SERPINB7: variants seen among roughly 807,000 people sequenced by gnomAD.
The protein encoded by SERPINB7 is serpin family B member 7.
SERPINB7 carries 31 observed loss-of-function variants against 37.4 expected under a neutral mutation model. The observed-to-expected ratio is 0.83, with a 90% CI of 0.62 to 1.12. The LOEUF (loss-of-function observed/expected upper bound fraction) is 1.12, where lower values mean the gene tolerates loss of function less well. Ranked by LOEUF, SERPINB7 falls within the 50% of genes most tolerant of loss-of-function variation. SERPINB7 has a pLI of 0.00. For missense variants in SERPINB7, 521 were observed against 455.3 expected (o/e 1.14, Z -1.31); for synonymous variants, 163 against 166.1 (o/e 0.98, Z 0.14).
intron 2 of SERPINB7, among the ~76,000 whole-genome samples, chr18:63,786,669 T>A (rs1230018549): frequency 1.3e-5 from 2 of 152,096 alleles, no homozygotes; most frequent in Admixed American, 1.3e-4. Flanking sequence ...TCTTAGACTG[T>A]ATAGACTCAT....
At chr18:63,783,580 A>C (rs529567451) in intron 2 of SERPINB7, among the ~76,000 whole-genome samples, 1 of 152,306 alleles carries the variant, frequency 6.6e-6, no homozygotes, top group East Asian at 1.9e-4. Context: ...CGCCACCTTC[A>C]GGGAGTGCTT....
intron 2 of SERPINB7, among the ~76,000 whole-genome samples, chr18:63,787,507 T>C (rs2049384448): frequency 6.6e-6 from 1 of 152,314 alleles, no homozygotes; most frequent in East Asian, 1.9e-4. Flanking sequence ...TGGATAGTTA[T>C]ATAATTTTAA....
intron 2 of SERPINB7, among the ~76,000 whole-genome samples, chr18:63,788,277 G>T (rs1233775323): frequency 6.6e-6 from 1 of 152,198 alleles, no homozygotes; most frequent in African/African-American, 2.4e-5. Context: ...GAAGGAAAAA[G>T]ACAGTGATAT....
chr18:63,789,054 ATATTT>A (rs1203495216), intron 2 of SERPINB7, among the ~76,000 whole-genome samples: 1 of 152,232 alleles, frequency 6.6e-6, no homozygotes, highest in Non-Finnish European at 1.5e-5. Flanking sequence ...CAGTCAAATT[ATATTT>A]TATAACTTAT....
intron 1 of SERPINB7, among the ~76,000 whole-genome samples, chr18:63,756,092 T>TACACACAC (rs5825530): frequency 6.7e-6 from 1 of 148,702 alleles, no homozygotes; most frequent in African/African-American, 2.5e-5. Flanking sequence ...ATATAGGGTT[T>TACACACAC]ACACACACAC....
At chr18:63,764,193 C>G (rs1406828100) in intron 1 of SERPINB7, among the ~76,000 whole-genome samples, 7 of 152,182 alleles carry the variant, frequency 4.6e-5, no homozygotes, top group Non-Finnish European at 7.4e-5. Context: ...CTATCACTTA[C>G]AGCCGTGGTT....
chr18:63,755,611 G>A (rs985917851), intron 1 of SERPINB7, among the ~76,000 whole-genome samples: 8 of 152,140 alleles, frequency 5.3e-5, no homozygotes, highest in African/African-American at 1.7e-4. Flanking sequence ...TCCCTATTTA[G>A]GCCAGGTTCA....
chr18:63,778,705 T>C lies in SERPINB7; in HGVS notation c.-19+2989T>C, dbSNP rs570470642. Among the ~76,000 whole-genome samples the C allele has an allele frequency of 2.0e-5, 3 of 152,170 alleles. 1 individual carries two copies. The highest frequency in any genetic ancestry group is 2.0e-4 in the Admixed American group (3 of 15,272). On this transcript the variant is annotated intron_variant, in intron 1 of 7. Coordinates refer to ENST00000398019, the MANE Select transcript of SERPINB7 (RefSeq NM_003784.4). The stretch of plus-strand genomic sequence containing the variant: ...AAAAAGAAGGTTTAGTGAGAAAATA[T>C]CTATTTTTATTGTTGTTTTGATGCT...
chr18:63,791,186 T>C (rs1400273063), intron 2 of SERPINB7, among the ~76,000 whole-genome samples: 3 of 152,172 alleles, frequency 2.0e-5, no homozygotes, highest in African/African-American at 7.2e-5. Context: ...AAATACCTAA[T>C]GTAGATGATG....
intron 7 of SERPINB7, 118 bp downstream of exon 7, chr18:63,801,130 C>T (rs1404315823): frequency 1.1e-6 from 1 of 952,146 alleles, no homozygotes; most frequent in Non-Finnish European, 1.6e-6. Flanking sequence ...GACTTACCTG[C>T]TTATTAATTT....
chr18:63,782,520 T>C lies in SERPINB7; in HGVS notation c.148T>C (p.Ser50Pro). The change falls in exon 2 of 8, where the codon TCC becomes CCC. Residue 50 changes from serine (S) to proline (P), a missense_variant. By Grantham distance (74) the Ser-to-Pro change is moderately conservative (BLOSUM62 -1). Transcript: ENST00000398019. ...GGTCCGCTTGGGCGCTCAAGATGACTCCCTCTCTCAGATTGATAAGGTCAG... is the reference window on the plus strand; with the variant it reads ...GGTCCGCTTGGGCGCTCAAGATGACCCCCTCTCTCAGATTGATAAGGTCAG... ...ALVRLGAQDD[S>P]LSQIDKLLHV... The C allele has an allele frequency of 6.2e-7, 1 of 1,612,772 alleles. No homozygotes were observed. The highest frequency in any genetic ancestry group is 8.5e-7 in the Non-Finnish European group (1 of 1,179,394).
intron 4 of SERPINB7, among the ~76,000 whole-genome samples, chr18:63,794,539 A>G (rs1438894856): frequency 3.3e-5 from 5 of 151,938 alleles, no homozygotes; most frequent in African/African-American, 1.2e-4. Context: ...AAATACAAAA[A>G]ATTAGCCGGG....
chr18:63,755,525 A>C (rs770576391), intron 1 of SERPINB7, among the ~76,000 whole-genome samples: 6 of 152,184 alleles, frequency 3.9e-5, no homozygotes, highest in Non-Finnish European at 8.8e-5. Flanking sequence ...ATTCGCTTGA[A>C]AAAGTATCAT....
At chr18:63,774,461 G>GT (rs2049230643), upstream of SERPINB7, among the ~76,000 whole-genome samples, 1 of 152,102 alleles carries the variant, frequency 6.6e-6, no homozygotes, top group African/African-American at 2.4e-5. Flanking sequence ...GCAGGTGAAG[G>GT]TAGGTGCAAC....
chr18:63,804,501 ACTG>A lies in SERPINB7; in HGVS notation c.1014_1016del (p.Ala339del), dbSNP rs2049586417. ...GGTCACTGAGGAGGGCACCGAGGCTACTGCTGCCACAGGAAGTAATATTGTAGA... is the reference window on the plus strand; with the variant it reads ...GGTCACTGAGGAGGGCACCGAGGCTACTGCCACAGGAAGTAATATTGTAGA... On this transcript the variant is annotated inframe_deletion, in exon 8 of 8. Coordinates refer to ENST00000398019, the MANE Select transcript of SERPINB7 (RefSeq NM_003784.4). The A allele has an allele frequency of 8.7e-6, 14 of 1,613,774 alleles. No homozygotes were observed. The highest frequency in any genetic ancestry group is 1.2e-5 in the Non-Finnish European group (14 of 1,179,872).
chr18:63,803,405 T>G (rs1160325520), intron 7 of SERPINB7, among the ~76,000 whole-genome samples: 1 of 152,178 alleles, frequency 6.6e-6, no homozygotes. Flanking sequence ...TGTTTAGGAT[T>G]GAAGTTGAGC....
intron 2 of SERPINB7, among the ~76,000 whole-genome samples, chr18:63,783,232 G>GAAAGAAAGA (rs1555694190): frequency 2.5e-5 from 1 of 40,720 alleles, no homozygotes; most frequent in African/African-American, 1.2e-4. Context: ...GAGAGAGAGA[G>GAAAGAAAGA]AGAAAGAAAG....
At chr18:63,803,263 G>A (rs2049569124) in intron 7 of SERPINB7, among the ~76,000 whole-genome samples, 1 of 151,602 alleles carries the variant, frequency 6.6e-6, no homozygotes, top group Admixed American at 6.6e-5. Flanking sequence ...AATTCCAACA[G>A]GGTAAAAATA....
At chr18:63,787,157 A>C (rs2049381672) in intron 2 of SERPINB7, among the ~76,000 whole-genome samples, 2 of 152,202 alleles carry the variant, frequency 1.3e-5, no homozygotes, top group African/African-American at 4.8e-5. Flanking sequence ...ATGAGGTCAC[A>C]TATGGAATTT....
Sources: allele counts gnomAD v4.1 joint callset (sites outside exome capture counted in the v4.1 genomes callset), GRCh38; gene constraint gnomAD v4.1.1; transcripts MANE v1.5; gene names NCBI Gene and HGNC (gene_info 2026-07-23, HGNC 2026-07-21).